ADAM28: variants seen among roughly 807,000 people sequenced by gnomAD.
ADAM28 encodes disintegrin and metalloproteinase domain-containing protein 28.
A neutral mutation model predicts 101.2 loss-of-function variants in ADAM28; 105 were observed. The observed-to-expected ratio is 1.04, with a 90% confidence interval of 0.89 to 1.22. The LOEUF (loss-of-function observed/expected upper bound fraction) is 1.22. ADAM28 is among the 50% of genes most tolerant of loss of function. ADAM28 has a pLI of 0.00. For missense variants in ADAM28, 1,028 were observed against 945.4 expected, an observed-to-expected ratio of 1.09 and a Z score of -1.15; for synonymous variants, 322 against 310.6, an observed-to-expected ratio of 1.04 and a Z score of -0.39.
intron 18 of ADAM28, among the ~76,000 whole-genome samples, chr8:24,343,900 T>C (rs1170284247): frequency 6.6e-6 from 1 of 151,870 alleles, no homozygotes; most frequent in Non-Finnish European, 1.5e-5. Flanking sequence ...AAATGTAATA[T>C]CCTCAAAACT....
chr8:24,297,281 T>G (rs182243195), intron 1 of ADAM28, among the ~76,000 whole-genome samples: 4 of 152,304 alleles, frequency 2.6e-5, no homozygotes, highest in African/African-American at 9.6e-5. Flanking sequence ...AAGCCCATAT[T>G]TAAGAGCCAG....
chr8:24,336,380 A>G (rs947198763), intron 14 of ADAM28, among the ~76,000 whole-genome samples: 40 of 151,654 alleles, frequency 2.6e-4, no homozygotes, highest in African/African-American at 6.5e-4. Context: ...TCAGGAGATC[A>G]AGACCATCCT....
intron 15 of ADAM28, among the ~76,000 whole-genome samples, chr8:24,340,339 G>C (rs905435273): frequency 1.3e-5 from 2 of 152,012 alleles, no homozygotes; most frequent in African/African-American, 2.4e-5. Context: ...TTGGATATAG[G>C]GTTATCTCTT....
At chr8:24,334,246 CGTACAG>C (rs1343953449) in intron 13 of ADAM28, among the ~76,000 whole-genome samples, 22 of 152,148 alleles carry the variant, frequency 1.4e-4, no homozygotes, top group Admixed American at 1.2e-3. Flanking sequence ...AAGCTTTTTA[CGTACAG>C]TCTCACTTGA....
intron 8 of ADAM28, 97 bp from the exon 9 acceptor site, chr8:24,323,737 C>T (rs976051153): frequency 1.6e-6 from 2 of 1,222,284 alleles, no homozygotes; most frequent in Non-Finnish European, 2.2e-6. Context: ...TTTTATACTG[C>T]TGTGATGAAT....
chr8:24,304,645 C>G (rs935602487), intron 2 of ADAM28, among the ~76,000 whole-genome samples: 13 of 151,964 alleles, frequency 8.6e-5, no homozygotes, highest in Non-Finnish European at 1.5e-4. Context: ...GCGGGTGGGT[C>G]ACCTGAGGTC....
intron 10 of ADAM28, among the ~76,000 whole-genome samples, chr8:24,327,661 A>T (rs4560799): frequency 0.051 from 7,708 of 152,248 alleles, 295 homozygotes; most frequent in Middle Eastern, 0.092. Flanking sequence ...AGTAAGCAAA[A>T]CAGCAGGGTA....
intron 13 of ADAM28, among the ~76,000 whole-genome samples, chr8:24,333,306 G>T (rs1179424098): frequency 6.6e-6 from 1 of 152,138 alleles, no homozygotes; most frequent in Non-Finnish European, 1.5e-5. Flanking sequence ...TTTGCTAAGA[G>T]AGTAGATTTT....
At chr8:24,333,383 G>C (rs1028822861) in intron 13 of ADAM28, among the ~76,000 whole-genome samples, 1 of 152,116 alleles carries the variant, frequency 6.6e-6, no homozygotes, top group African/African-American at 2.4e-5. Context: ...CAATTTGTTT[G>C]ACTGTAGTAA....
In ADAM28 at chr8:24,349,884, G is replaced by T. The variant is rs1239865415; in HGVS notation, c.2011G>T (p.Val671Leu). ...VVFHFSIVVG[V>L]LFPMAVIFVV... ...TGCAGACTTCTCCATTGTGGTTGGG[G>T]TGCTGTTCCCAATGGCGGTCATTTT... Residue 671 changes from valine (V) to leucine (L), a missense_variant, in exon 19 of 23, where the codon GTG becomes TTG. Transcript: ENST00000265769. 2 of 1,613,692 alleles carry T rather than the reference G, an allele frequency of 1.2e-6. No individual in the cohort carries two copies. The highest frequency in any genetic ancestry group is 1.3e-5 in the African/African-American group (1 of 74,980).
chr8:24,323,429 C>T (rs1313996496), intron 8 of ADAM28, among the ~76,000 whole-genome samples: 1 of 151,922 alleles, frequency 6.6e-6, no homozygotes, highest in Non-Finnish European at 1.5e-5. Context: ...CCTAAACCAG[C>T]ACCAAGCCAA....
intron 22 of ADAM28, 52 bp from the exon 23 acceptor site, chr8:24,354,332 A>C: frequency 1.4e-6 from 2 of 1,445,338 alleles, no homozygotes; most frequent in Non-Finnish European, 1.9e-6. Flanking sequence ...ATAATAGTAA[A>C]TATCTAAATT....
chr8:24,352,844 T>A lies in ADAM28; in HGVS notation c.2244+792T>A, dbSNP rs144874890. Reference sequence around the variant, plus strand: ...AGGACCCTATCTTTGAATGTAAATGTTTTATCCTTTTACTAGCTAATTACA... The same window carrying A: ...AGGACCCTATCTTTGAATGTAAATGATTTATCCTTTTACTAGCTAATTACA... On this transcript the variant is annotated intron_variant, in intron 21 of 22. Transcript: ENST00000265769. 3.5e-3 allele frequency among the ~76,000 whole-genome samples: 528 copies of A among 152,284 alleles called. 1 individual carries two copies. The highest frequency in any genetic ancestry group is 5.6e-3 in the Non-Finnish European group (381 of 68,018).
rs79206460 is a variant in ADAM28, at chr8:24,309,439, T to C, written c.151-455T>C. 6.4e-3 allele frequency among the ~76,000 whole-genome samples: 968 copies of C among 152,328 alleles called. 7 individuals carry two copies. The highest frequency in any genetic ancestry group is 9.8e-3 in the Non-Finnish European group (665 of 68,032). On this transcript the variant is annotated intron_variant, in intron 2 of 22. Transcript: ENST00000265769. ...CACCTGGGTAATTTATGTGTCGTTT[T>C]AAACATTACTTCCTCAAAAAAGCCT...
intron 15 of ADAM28, 56 bp downstream of exon 15, chr8:24,339,624 C>A: frequency 7.2e-7 from 1 of 1,380,456 alleles, no homozygotes; most frequent in Non-Finnish European, 1.0e-6. Context: ...TGGTACACTT[C>A]CAGCTACACA....
Position 24,341,627 on chromosome 8 carries a change from A to G in ADAM28, c.1700A>G (p.Gln567Arg), listed in dbSNP as rs1246790815. Reference sequence around the variant, plus strand: ...ACCATGTGTGGGAAGTTGTTCTGTCAAGGTGGGTCGGATAATTTGCCCTGG... The same window carrying G: ...ACCATGTGTGGGAAGTTGTTCTGTCGAGGTGGGTCGGATAATTTGCCCTGG... ...NDTMCGKLFC[Q>R]GGSDNLPWKG... Residue 567 changes from glutamine to arginine, a missense_variant, in exon 16 of 23, where the codon CAA (glutamine) becomes CGA (arginine). Physicochemically the swap from Gln to Arg is conservative, Grantham distance 43 (BLOSUM62 1). Transcript: ENST00000265769. 6.2e-7 allele frequency: 1 copy of G among 1,613,736 alleles called. No individual in the cohort carries two copies. Among genetic ancestry groups the G allele is most frequent in the East Asian group, 2.2e-5 (1 of 44,870 alleles).
At chr8:24,336,034 G>A (rs1443172126) in intron 14 of ADAM28, 4 of 1,002,632 alleles carry the variant, frequency 4.0e-6, no homozygotes, top group Non-Finnish European at 4.8e-6. Context: ...ATCTGTGTGT[G>A]TGCGGGTGTG....
At chr8:24,343,702 A>G in intron 18 of ADAM28, 118 bp downstream of exon 18, 1 of 875,592 alleles carries the variant, frequency 1.1e-6, no homozygotes, top group Non-Finnish European at 1.8e-6. Flanking sequence ...TGTTCTGTTG[A>G]TGTTGAATCC....
intron 6 of ADAM28, 123 bp downstream of exon 6, chr8:24,313,703 C>A (rs1011042939): frequency 6.5e-6 from 6 of 928,178 alleles, no homozygotes; most frequent in South Asian, 5.8e-5. Context: ...AGACACTAAT[C>A]CTTAAATATT....
Sources: allele counts gnomAD v4.1 joint callset (sites outside exome capture counted in the v4.1 genomes callset), GRCh38; gene constraint gnomAD v4.1.1; transcripts MANE v1.5; gene names NCBI Gene and HGNC (gene_info 2026-07-23, HGNC 2026-07-21).